Variants in ESPNL observed in about 807,000 individuals in gnomAD.
ESPNL encodes espin-like protein.
Under a neutral mutation model 46.8 loss-of-function variants are expected in ESPNL, and 49 were observed. That is an observed-to-expected ratio of 1.05 (90% CI 0.83 to 1.33). ESPNL has a LOEUF of 1.33. Ranked by LOEUF, ESPNL falls within the 40% of genes most tolerant of loss-of-function variation. The pLI, the probability that ESPNL is intolerant of heterozygous loss-of-function variation, is 0.00. For missense variants in ESPNL, 1,540 were observed against 1,436.6 expected, an observed-to-expected ratio of 1.07 and a Z score of -1.16; for synonymous variants, 664 against 662.1, an observed-to-expected ratio of 1.00 and a Z score of -0.04.
At chr2:238,127,426 G>A in intron 6 of ESPNL, 196 bp from the exon 7 acceptor site, 1 of 1,332,534 alleles carries the variant, frequency 7.5e-7, no homozygotes, top group Non-Finnish European at 9.6e-7. Flanking sequence ...ACCAGGCGGG[G>A]GCGGGCCCCA....
chr2:238,114,765 AC>A lies in ESPNL; in HGVS notation c.856-2137del, dbSNP rs1227054784. ...AAAGGAAAAAGAATCACATCTCATGACACATGAAACTCATCTGAAGTTAAAA... is the reference window on the plus strand; with the variant it reads ...AAAGGAAAAAGAATCACATCTCATGAACATGAAACTCATCTGAAGTTAAAA... On this transcript the variant is annotated intron_variant, in intron 4 of 8. Transcript: ENST00000343063. The surrounding 1 kb of genome is among the most constrained non-coding windows in gnomAD (Gnocchi z 5.0). 6.6e-6 allele frequency among the ~76,000 whole-genome samples: 1 copy of A among 152,248 alleles called. No individual in the cohort carries two copies.
At position 238,116,996 on chromosome 2, in the gene ESPNL, C is replaced by G. The variant is rs756645807; in HGVS notation, c.949C>G (p.Arg317Gly). 1.2e-6 allele frequency: 2 copies of G among 1,612,262 alleles called. No homozygotes were observed. Among genetic ancestry groups the G allele is most frequent in the Admixed American group, 1.7e-5 (1 of 59,986 alleles). Residue 317 changes from arginine (R) to glycine (G), a missense_variant, in exon 5 of 9, where the codon CGG (arginine) becomes GGG (glycine). By Grantham distance (125) the Arg-to-Gly change is moderately radical. Transcript: ENST00000343063. ...AGACCTGGCGGAGTACCATGGACACCGGGACTGCGCCCAGTACCTGCGGGA... is the reference window on the plus strand; with the variant it reads ...AGACCTGGCGGAGTACCATGGACACGGGGACTGCGCCCAGTACCTGCGGGA... ...AADLAEYHGH[R>G]DCAQYLREVA...
rs190347409 is a variant in ESPNL at position 238,131,579 on chromosome 2, C to A, written c.2865C>A (p.Ala955=). Residue 955 remains alanine, a synonymous_variant, in exon 9 of 9, where the codon GCC becomes GCA. Transcript: ENST00000343063. The part of the protein sequence containing the change: ...LTLLGPLPHA[A]VPCSGPEPTA... The stretch of plus-strand genomic sequence containing the variant: ...TGCTCGGGCCCCTGCCTCACGCCGC[C>A]GTCCCCTGCAGCGGCCCTGAGCCCA... 2 of 1,611,326 alleles carry A rather than the reference C, an allele frequency of 1.2e-6. No individual in the cohort carries two copies. The highest frequency in any genetic ancestry group is 2.7e-5 in the African/African-American group (2 of 74,898).
At position 238,114,890 on chromosome 2, in the gene ESPNL, C is replaced by A. The variant is rs766603506; in HGVS notation, c.856-2013C>A. On this transcript the variant is annotated intron_variant, in intron 4 of 8. Coordinates refer to ENST00000343063, the MANE Select transcript of ESPNL (RefSeq NM_194312.4). The surrounding 1 kb of genome is among the most constrained non-coding windows in gnomAD (Gnocchi z 5.0). The stretch of plus-strand genomic sequence containing the variant: ...GGTTGCATATTTGTGCCAGAGCCGG[C>A]GGCCCCCGGGCTGAGCTGCTTACTC... 6.6e-6 allele frequency among the ~76,000 whole-genome samples: 1 copy of A among 152,202 alleles called. No homozygotes were observed.
At chr2:238,125,200 C>CT in intron 5 of ESPNL, 70 bp from the exon 6 acceptor site, 1 of 678,494 alleles carries the variant, frequency 1.5e-6, no homozygotes. Context: ...CTGGGTGCCC[C>CT]TGCCCCTGTC....
chr2:238,106,584 C>T (rs567997314), intron 3 of ESPNL, among the ~76,000 whole-genome samples: 2 of 152,244 alleles, frequency 1.3e-5, no homozygotes, highest in East Asian at 3.8e-4. Flanking sequence ...TGGGTCCCAC[C>T]CTGGCCATCC....
At chr2:238,104,600 G>C in intron 2 of ESPNL, 56 bp from the exon 3 acceptor site, 1 of 1,487,854 alleles carries the variant, frequency 6.7e-7, no homozygotes, top group Non-Finnish European at 9.0e-7. Context: ...AAGCAGCCGA[G>C]GGATGGGCTC....
chr2:238,128,629 C>T, intron 7 of ESPNL, 78 bp from the exon 8 acceptor site: 2 of 1,438,920 alleles, frequency 1.4e-6, no homozygotes, highest in Non-Finnish European at 1.9e-6. Context: ...AGCCAACCCC[C>T]CACGTCCTCT....
At chr2:238,119,867 C>T (rs1691947462) in intron 5 of ESPNL, among the ~76,000 whole-genome samples, 2 of 152,070 alleles carry the variant, frequency 1.3e-5, no homozygotes, top group African/African-American at 2.4e-5. Flanking sequence ...TGGGGCAGAG[C>T]CACAGTCCCC....
In ESPNL at chr2:238,132,407, A is replaced by T. The variant is rs1692363196; in HGVS notation, c.*675A>T. On this transcript the variant is annotated 3_prime_UTR_variant, in exon 9 of 9. Coordinates refer to ENST00000343063, the MANE Select transcript of ESPNL (RefSeq NM_194312.4). ...CCTCCAGCCTGACCAGCCCTGGCCT[A>T]GTCGTGGGCCCCAGCAAGGCTGGAG... The T allele has an allele frequency of 6.6e-6, 1 of 152,138 alleles. No homozygotes were observed. The highest frequency in any genetic ancestry group is 1.5e-5 in the Non-Finnish European group (1 of 68,174). The allele number at this position is 152,138 out of a possible 1,614,324, so 9.4% of individuals were successfully genotyped here.
chr2:238,127,488 G>T, intron 6 of ESPNL, 134 bp from the exon 7 acceptor site: 1 of 1,409,648 alleles, frequency 7.1e-7, no homozygotes, highest in Non-Finnish European at 9.3e-7. Flanking sequence ...CTGGGGCAGG[G>T]TGGGCTGGGG....
chr2:238,126,456 ATGTGATTGTGTGTATCTG>A (rs1300057924), intron 6 of ESPNL, among the ~76,000 whole-genome samples: 3 of 145,562 alleles, frequency 2.1e-5, no homozygotes, highest in Non-Finnish European at 3.0e-5. Flanking sequence ...GATTGTGTCT[ATGTGATTGTGTGTATCTG>A]TGTGATTGTG....
At chr2:238,125,625 G>A (rs992288211) in intron 6 of ESPNL, among the ~76,000 whole-genome samples, 1 of 152,270 alleles carries the variant, frequency 6.6e-6, no homozygotes, top group African/African-American at 2.4e-5. Flanking sequence ...GGTAAAAGCG[G>A]GGAGACGGGC....
Position 238,102,003 on chromosome 2 carries a change from G to A in ESPNL, c.357G>A (p.Leu119=), listed in dbSNP as rs771496221. The change falls in exon 2 of 9, where the codon CTG becomes CTA. Residue 119 remains leucine, a synonymous_variant. Coordinates refer to ENST00000343063, the MANE Select transcript of ESPNL (RefSeq NM_194312.4). ...CCGCCCGTTTTGGACACCCAGTGCT[G>A]GTGGAGTGGCTGCTCCACGAGGGCC... ...HLAARFGHPV[L]VEWLLHEGHS... The A allele has an allele frequency of 1.2e-6, 2 of 1,610,360 alleles. No homozygotes were observed. The highest frequency in any genetic ancestry group is 1.1e-5 in the South Asian group (1 of 90,878).
At chr2:238,104,523 C>A in intron 2 of ESPNL, 133 bp from the exon 3 acceptor site, 2 of 1,049,004 alleles carry the variant, frequency 1.9e-6, no homozygotes, top group Non-Finnish European at 2.6e-6. Context: ...AACCCCGCAG[C>A]AGCAGCTGGA....
In ESPNL at chr2:238,131,246, CG is replaced by C; in HGVS notation, c.2536del (p.Ala846LeufsTer59). ...SPEQFLPHVDGAPVPYSSLSL... is the reference protein window; with the variant it reads ...SPEQFLPHVDXAPVPYSSLSL... ...CCGAGCAGTTCCTGCCCCACGTGGACGGGGCTCCGGTGCCCTACAGCAGCCT... is the reference window on the plus strand; with the variant it reads ...CCGAGCAGTTCCTGCCCCACGTGGACGGGCTCCGGTGCCCTACAGCAGCCT... On this transcript the variant is annotated frameshift_variant, in exon 9 of 9. Coordinates refer to ENST00000343063, the MANE Select transcript of ESPNL (RefSeq NM_194312.4). LOFTEE classifies it low-confidence loss of function (END_TRUNC). 1 of 1,567,304 alleles carries C rather than the reference CG, an allele frequency of 6.4e-7. No individual in the cohort carries two copies.
At position 238,127,541 on chromosome 2, in the gene ESPNL, C is replaced by T. The variant is rs1392276602; in HGVS notation, c.1103-81C>T. The T allele has an allele frequency of 9.4e-6, 14 of 1,488,210 alleles. No individual in the cohort carries two copies. In the Admixed American group the frequency reaches 2.9e-4, roughly 30 times the overall value. 92.2% of individuals were successfully genotyped at this position (1,488,210 alleles called of 1,614,324 possible). On this transcript the variant is annotated intron_variant, in intron 6 of 8. Coordinates refer to ENST00000343063, the MANE Select transcript of ESPNL (RefSeq NM_194312.4). ...GATCGTTCAGGAGGTCAGCTCTGCCCCCAGGGCCGGATCCCCGAGGCTCTG... is the reference window on the plus strand; with the variant it reads ...GATCGTTCAGGAGGTCAGCTCTGCCTCCAGGGCCGGATCCCCGAGGCTCTG...
chr2:238,117,124 C>A, intron 5 of ESPNL, 90 bp downstream of exon 5: 2 of 1,467,424 alleles, frequency 1.4e-6, no homozygotes, highest in South Asian at 1.3e-5. Context: ...GCAGCATAGT[C>A]AGCTGGGAAG....
chr2:238,126,111 T>C (rs1692103945), intron 6 of ESPNL, among the ~76,000 whole-genome samples: 1 of 151,606 alleles, frequency 6.6e-6, no homozygotes, highest in Non-Finnish European at 1.5e-5. Context: ...TGATTGTGTG[T>C]CTCTGTGATT....
Sources: allele counts gnomAD v4.1 joint callset (sites outside exome capture counted in the v4.1 genomes callset), GRCh38; gene constraint gnomAD v4.1.1; non-coding constraint Gnocchi (gnomAD v3.1); transcripts MANE v1.5; gene names NCBI Gene and HGNC (gene_info 2026-07-23, HGNC 2026-07-21).